GABRB1: variants seen among roughly 807,000 people sequenced by gnomAD.
The protein encoded by GABRB1 is gamma-aminobutyric acid type A receptor subunit beta1.
GABRB1 carries 17 observed loss-of-function variants against 51.6 expected under a neutral mutation model. The ratio of observed to expected loss-of-function variants is 0.33; its 90% CI spans 0.23 to 0.49. GABRB1 has a LOEUF of 0.49. Among genes scored for constraint, GABRB1 ranks in the 20% least tolerant of loss-of-function variants. The pLI, the probability that GABRB1 is intolerant of heterozygous loss-of-function variation, is 0.99. For synonymous variants in GABRB1, 247 were observed against 218.9 expected, an observed-to-expected ratio of 1.13 and a Z score of -1.14; for missense variants, 410 against 600.6, an observed-to-expected ratio of 0.68 and a Z score of 3.32.
chr4:47,222,376 A>G (rs961623238), intron 4 of GABRB1, among the ~76,000 whole-genome samples: 5 of 152,074 alleles, frequency 3.3e-5, no homozygotes, highest in African/African-American at 9.7e-5. Flanking sequence ...CTGTATTCCT[A>G]TCCTTGTGTA....
intron 3 of GABRB1, among the ~76,000 whole-genome samples, chr4:47,078,003 T>A (rs1224106853): frequency 7.3e-6 from 1 of 136,458 alleles, no homozygotes; most frequent in African/African-American, 2.8e-5. Context: ...AATATATATA[T>A]ATTGGGAAGG....
At chr4:47,292,881 T>G (rs1723802815) in intron 4 of GABRB1, among the ~76,000 whole-genome samples, 1 of 152,206 alleles carries the variant, frequency 6.6e-6, no homozygotes, top group South Asian at 2.1e-4. Flanking sequence ...ACTCTCATGA[T>G]AATGTTGTTC....
chr4:47,043,937 G>T (rs1190954199), intron 3 of GABRB1, among the ~76,000 whole-genome samples: 1 of 152,208 alleles, frequency 6.6e-6, no homozygotes, highest in Non-Finnish European at 1.5e-5. Flanking sequence ...GAACAGGTTT[G>T]CTTATGGACA....
chr4:47,024,180 T>C (rs925676850), intron 1 of GABRB1, among the ~76,000 whole-genome samples: 1 of 152,012 alleles, frequency 6.6e-6, no homozygotes, highest in African/African-American at 2.4e-5. Flanking sequence ...TCTTGTTGTG[T>C]ACTCTTGGAT....
intron 5 of GABRB1, among the ~76,000 whole-genome samples, chr4:47,401,004 C>T (rs1352531668): frequency 6.9e-6 from 1 of 145,964 alleles, no homozygotes; most frequent in East Asian, 2.0e-4. Context: ...TCTCCGCTCA[C>T]TGCAAGCTCC....
At chr4:47,252,223 T>C (rs1722020036) in intron 4 of GABRB1, among the ~76,000 whole-genome samples, 1 of 151,968 alleles carries the variant, frequency 6.6e-6, no homozygotes, top group Admixed American at 6.6e-5. Context: ...GTATTTCTCT[T>C]GGGTCTCTAA....
intron 5 of GABRB1, among the ~76,000 whole-genome samples, chr4:47,394,554 C>T (rs1728114791): frequency 6.6e-6 from 1 of 152,148 alleles, no homozygotes; most frequent in Non-Finnish European, 1.5e-5. Context: ...TACTAAAATC[C>T]ATGCCTAGAT....
chr4:47,002,240 C>A (rs576029313), intron 1 of GABRB1, among the ~76,000 whole-genome samples: 2 of 152,046 alleles, frequency 1.3e-5, no homozygotes, highest in Admixed American at 6.6e-5. Context: ...TAAGCCTTTG[C>A]GAAAATATCA....
chr4:47,032,880 C>G (rs1577842318), intron 3 of GABRB1: 2 of 392,122 alleles, frequency 5.1e-6, no homozygotes, highest in South Asian at 3.8e-5. Context: ...CCTCCCCAGG[C>G]GCGGTGCTGG....
chr4:47,218,198 T>C (rs1720630926), intron 4 of GABRB1, among the ~76,000 whole-genome samples: 2 of 151,896 alleles, frequency 1.3e-5, no homozygotes, highest in South Asian at 4.1e-4. Context: ...TAGTACTCCA[T>C]TGTGTATATA....
chr4:47,159,527 G>A (rs1475024906), intron 3 of GABRB1, among the ~76,000 whole-genome samples: 4 of 150,732 alleles, frequency 2.7e-5, no homozygotes, highest in Non-Finnish European at 5.9e-5. Context: ...TTTTTTACAT[G>A]AAGGTAAGGT....
chr4:47,104,923 A>G (rs1368787517), intron 3 of GABRB1, among the ~76,000 whole-genome samples: 1 of 151,998 alleles, frequency 6.6e-6, no homozygotes, highest in Non-Finnish European at 1.5e-5. Context: ...TCCTATCTAT[A>G]TCTGGTCCTA....
In GABRB1 at chr4:46,997,221, A is replaced by T. The variant is rs543963475; in HGVS notation, c.-20+3295A>T. The stretch of plus-strand genomic sequence containing the variant: ...TTGTATGTATTTGAGGTATACAACA[A>T]GATGTTTTGATATAAATATATAGCA... On this transcript the variant is annotated intron_variant, in intron 1 of 3. Coordinates refer to the GABRB1 transcript ENST00000513567. Among the ~76,000 whole-genome samples the T allele has an allele frequency of 6.6e-5, 10 of 152,186 alleles. No individual in the cohort carries two copies. The South Asian group carries it at 2.1e-3, about 32-fold the overall frequency.
chr4:47,350,282 TATATAG>T (rs1726277313), intron 5 of GABRB1, among the ~76,000 whole-genome samples: 2 of 141,234 alleles, frequency 1.4e-5, no homozygotes, highest in African/African-American at 2.7e-5. Context: ...TATATATATA[TATATAG>T]AGAGAGAGAG....
At chr4:47,019,619 T>TCTCTCTC (rs1724851986) in intron 1 of GABRB1, among the ~76,000 whole-genome samples, 1 of 108,036 alleles carries the variant, frequency 9.3e-6, no homozygotes, top group African/African-American at 3.6e-5. Context: ...CTTTCTTTCT[T>TCTCTCTC]TCTCTCTCTT....
chr4:47,366,441 G>A (rs531342943), intron 5 of GABRB1, among the ~76,000 whole-genome samples: 6 of 152,232 alleles, frequency 3.9e-5, no homozygotes, highest in East Asian at 3.9e-4. Flanking sequence ...ACTGCAGCCA[G>A]ATACATTTCT....
chr4:47,172,063 T>C (rs1560570149), intron 4 of GABRB1, among the ~76,000 whole-genome samples: 1 of 152,174 alleles, frequency 6.6e-6, no homozygotes. Flanking sequence ...TCAAGTGTTA[T>C]GGCACTATAA....
At chr4:47,021,900 A>G (rs1724940299) in intron 1 of GABRB1, among the ~76,000 whole-genome samples, 1 of 152,120 alleles carries the variant, frequency 6.6e-6, no homozygotes, top group African/African-American at 2.4e-5. Context: ...AAAAGACTTA[A>G]AACAGGGCCT....
intron 5 of GABRB1, among the ~76,000 whole-genome samples, chr4:47,389,393 G>A (rs1321021469): frequency 1.3e-5 from 2 of 152,160 alleles, no homozygotes; most frequent in East Asian, 3.8e-4. Flanking sequence ...CGGGCTGCCA[G>A]TGCTTAGATT....
Sources: gnomAD v4.1 joint callset for allele counts (sites outside exome capture counted in the v4.1 genomes callset) on GRCh38, gnomAD v4.1.1 for gene constraint, MANE v1.5 for transcripts, NCBI Gene and HGNC (gene_info 2026-07-23, HGNC 2026-07-21) for gene names.